IFT25: variants seen among roughly 807,000 people sequenced by gnomAD.
The protein encoded by IFT25 is intraflagellar transport 25.
At chr1:53,928,670 A>T in the IFT25 span, 1 of 430,892 alleles carries the variant, frequency 2.3e-6, no homozygotes. Flanking sequence ...CAGAGCAAGT[A>T]GAGCTTTTCT....
At chr1:53,916,308 G>A in the IFT25 span, among the ~76,000 whole-genome samples, 1 of 152,112 alleles carries the variant, frequency 6.6e-6, no homozygotes, top group Admixed American at 6.6e-5. Flanking sequence ...ATGAGAATGA[G>A]TTTTTTAAAG....
chr1:53,932,821 CT>C, the IFT25 span, among the ~76,000 whole-genome samples: 5 of 152,238 alleles, frequency 3.3e-5, no homozygotes, highest in African/African-American at 1.2e-4. Flanking sequence ...CTGCCATGGC[CT>C]CCCAAAGTGC....
the IFT25 span, among the ~76,000 whole-genome samples, chr1:53,939,198 T>C: frequency 6.6e-6 from 1 of 151,446 alleles, no homozygotes; most frequent in African/African-American, 2.4e-5. Context: ...GAGACCAGCT[T>C]GGCCAATACG....
the IFT25 span, among the ~76,000 whole-genome samples, chr1:53,933,918 T>C: frequency 2.0e-4 from 31 of 152,300 alleles, 1 homozygote; most frequent in African/African-American, 7.0e-4. Flanking sequence ...GGTTACAACA[T>C]AAAAACCTCA....
At chr1:53,930,718 A>G in the IFT25 span, among the ~76,000 whole-genome samples, 1 of 152,046 alleles carries the variant, frequency 6.6e-6, no homozygotes, top group African/African-American at 2.4e-5. Flanking sequence ...CTGTGTTTCT[A>G]TGGCTCCCAC....
At chr1:53,916,194 AAG>A in the IFT25 span, among the ~76,000 whole-genome samples, 1 of 151,970 alleles carries the variant, frequency 6.6e-6, no homozygotes, top group African/African-American at 2.4e-5. Context: ...AAAAAAAAAA[AAG>A]AGGTGATTGG....
the IFT25 span, chr1:53,939,959 A>C: frequency 7.5e-7 from 1 of 1,339,622 alleles, no homozygotes; most frequent in Non-Finnish European, 1.1e-6. Context: ...TTAAGACTGT[A>C]AACAACAAAG....
the IFT25 span, among the ~76,000 whole-genome samples, chr1:53,938,989 G>T: frequency 6.9e-6 from 1 of 144,182 alleles, no homozygotes; most frequent in African/African-American, 2.7e-5. Context: ...CAGGAGAATC[G>T]CTTGAACCTG....
the IFT25 span, among the ~76,000 whole-genome samples, chr1:53,945,052 GAGGGGCCA>G: frequency 6.6e-6 from 1 of 152,086 alleles, no homozygotes; most frequent in East Asian, 1.9e-4. Flanking sequence ...TTCTGTCTCC[GAGGGGCCA>G]GGGCCACGGC....
chr1:53,921,723 T>G, the IFT25 span: 13 of 1,613,966 alleles, frequency 8.1e-6, no homozygotes, highest in Non-Finnish European at 1.1e-5. Context: ...GATCAAAGGC[T>G]GATACAATAA....
chr1:53,915,239 CCTG>C, the IFT25 span, among the ~76,000 whole-genome samples: 1 of 152,134 alleles, frequency 6.6e-6, no homozygotes, highest in Admixed American at 6.5e-5. Flanking sequence ...AAAAAAACCC[CCTG>C]CCTTGGGGAG....
chr1:53,920,942 G>A, the IFT25 span, among the ~76,000 whole-genome samples: 2 of 152,242 alleles, frequency 1.3e-5, no homozygotes, highest in African/African-American at 2.4e-5. Context: ...GGAGGCCAAG[G>A]TGGGCAGATC....
the IFT25 span, among the ~76,000 whole-genome samples, chr1:53,933,466 A>G: frequency 1.3e-5 from 2 of 151,976 alleles, no homozygotes; most frequent in Non-Finnish European, 2.9e-5. Flanking sequence ...ACTCTCTAAC[A>G]CTATAACGTG....
chr1:53,916,191 A>G, the IFT25 span, among the ~76,000 whole-genome samples: 1 of 152,100 alleles, frequency 6.6e-6, no homozygotes, highest in East Asian at 1.9e-4. Context: ...AAAAAAAAAA[A>G]AAAAGAGGTG....
At chr1:53,937,170 T>C in the IFT25 span, among the ~76,000 whole-genome samples, 1 of 152,168 alleles carries the variant, frequency 6.6e-6, no homozygotes, top group Non-Finnish European at 1.5e-5. Context: ...CAGGCTGGAG[T>C]GCAGTGGCAT....
At chr1:53,939,302 A>C in the IFT25 span, among the ~76,000 whole-genome samples, 1 of 151,466 alleles carries the variant, frequency 6.6e-6, no homozygotes, top group African/African-American at 2.4e-5. Flanking sequence ...GAGGCAGGAG[A>C]ATCACTTGAA....
At chr1:53,945,204 C>A in the IFT25 span, among the ~76,000 whole-genome samples, 1 of 152,230 alleles carries the variant, frequency 6.6e-6, no homozygotes, top group Admixed American at 6.5e-5. Flanking sequence ...ATGCCCCCGA[C>A]CTTAGGTACA....
At chr1:53,917,490 A>G in the IFT25 span, among the ~76,000 whole-genome samples, 1 of 152,164 alleles carries the variant, frequency 6.6e-6, no homozygotes, top group African/African-American at 2.4e-5. Context: ...AGTAAAAGGA[A>G]TAACACCCAG....
chr1:53,940,408 A>T, the IFT25 span, among the ~76,000 whole-genome samples: 3 of 152,266 alleles, frequency 2.0e-5, no homozygotes, highest in Admixed American at 2.0e-4. Context: ...TACCATAAAA[A>T]TACTCGATTA....
Sources: allele counts gnomAD v4.1 joint callset (sites outside exome capture counted in the v4.1 genomes callset), GRCh38; gene constraint gnomAD v4.1.1; transcripts MANE v1.5; gene names NCBI Gene and HGNC (gene_info 2026-07-23, HGNC 2026-07-21).